Variants in DNER observed in about 807,000 individuals in gnomAD.
DNER encodes the protein delta/notch like EGF repeat containing.
A neutral mutation model predicts 78.2 loss-of-function variants in DNER; 33 were observed. The observed-to-expected ratio is 0.42, with a 90% CI of 0.32 to 0.56. The LOEUF (loss-of-function observed/expected upper bound fraction) is 0.56, where lower values mean the gene tolerates loss of function less well. Ranked by LOEUF, DNER falls within the 20% of genes least tolerant of loss-of-function variation. DNER has a pLI of 0.11. For missense variants in DNER, 918 were observed against 975.3 expected (o/e 0.94, Z 0.78); for synonymous variants, 417 against 384.8 (o/e 1.08, Z -0.98).
At chr2:229,686,679 A>G (rs944612253) in intron 1 of DNER, among the ~76,000 whole-genome samples, 2 of 152,300 alleles carry the variant, frequency 1.3e-5, no homozygotes, top group Non-Finnish European at 2.9e-5. Flanking sequence ...GCACTCACTC[A>G]GCTCACAAAC....
At chr2:229,384,283 C>G (rs1040093789) in intron 11 of DNER, among the ~76,000 whole-genome samples, 1 of 152,184 alleles carries the variant, frequency 6.6e-6, no homozygotes, top group Non-Finnish European at 1.5e-5. Flanking sequence ...AAATTTATAG[C>G]ACTAAATCCC....
rs79260825 is a variant in DNER at position 229,377,765 on chromosome 2, C to A, written c.1855+10500G>T. On this transcript the variant is annotated intron_variant, in intron 11 of 12. Transcript: ENST00000341772. ...GCGTTAACAGATAAAATTAATTCTA[C>A]CTCATCCCCAAATATTGTAATATTT... Among the ~76,000 whole-genome samples the A allele has an allele frequency of 3.1e-3, 478 of 152,270 alleles. 23 individuals carry two copies. The East Asian group carries it at 0.085, about 27-fold the overall frequency.
At chr2:229,409,874 A>G (rs184766901) in intron 9 of DNER, among the ~76,000 whole-genome samples, 52 of 152,282 alleles carry the variant, frequency 3.4e-4, no homozygotes, top group Admixed American at 2.5e-3. Context: ...TATATAAAAT[A>G]TATTTGTCAT....
rs1419833434 is a variant in DNER, at chr2:229,407,229, T to G, written c.1723+3A>C. 6.2e-7 allele frequency: 1 copy of G among 1,604,294 alleles called. No homozygotes were observed. Among genetic ancestry groups the G allele is most frequent in the South Asian group, 1.1e-5 (1 of 90,698 alleles). On this transcript the variant is annotated splice_donor_region_variant and intron_variant, in intron 10 of 12. Transcript: ENST00000341772. ...TGAAAACTCAGTCCCTGGAATCACT[T>G]GCCTGTAAACCCGGGTGCACAGATG...
rs544072423 is a variant in DNER, at chr2:229,502,934, G to T, written c.1147+9849C>A. Among the ~76,000 whole-genome samples, 8 of 152,330 alleles carry T rather than the reference G, an allele frequency of 5.3e-5. No homozygotes were observed. The East Asian group carries it at 1.4e-3, about 26-fold the overall frequency. ...CCTCTGGCTGATCTTGGGGAGAGGGGATAGCGAGAATGCTGGTATGATTAA... is the reference window on the plus strand; with the variant it reads ...CCTCTGGCTGATCTTGGGGAGAGGGTATAGCGAGAATGCTGGTATGATTAA... On this transcript the variant is annotated intron_variant, in intron 6 of 12. Coordinates refer to ENST00000341772, the MANE Select transcript of DNER (RefSeq NM_139072.4).
intron 7 of DNER, among the ~76,000 whole-genome samples, chr2:229,475,615 T>A (rs1167771498): frequency 6.6e-6 from 1 of 152,202 alleles, no homozygotes; most frequent in Non-Finnish European, 1.5e-5. Context: ...ATACGTAAAG[T>A]GCTCAGCAAA....
chr2:229,699,658 G>A (rs374833462), intron 1 of DNER, among the ~76,000 whole-genome samples: 9 of 152,198 alleles, frequency 5.9e-5, no homozygotes, highest in East Asian at 5.8e-4. Flanking sequence ...GAGTCACCAC[G>A]TCCAGCTTTA....
intron 7 of DNER, among the ~76,000 whole-genome samples, chr2:229,466,929 T>C (rs566040713): frequency 6.6e-6 from 1 of 152,260 alleles, no homozygotes; most frequent in African/African-American, 2.4e-5. Context: ...TCTCCTGGGG[T>C]TGGAATTCGA....
chr2:229,665,333 G>GT (rs1699070753), intron 1 of DNER, among the ~76,000 whole-genome samples: 1 of 152,174 alleles, frequency 6.6e-6, no homozygotes, highest in Non-Finnish European at 1.5e-5. Context: ...GCCAGTGTTT[G>GT]TTCCAAGGGT....
At chr2:229,540,342 C>T (rs115103648) in intron 5 of DNER, among the ~76,000 whole-genome samples, 2,504 of 152,168 alleles carry the variant, frequency 0.016, 70 homozygotes, top group African/African-American at 0.057. Context: ...GGGCTGGGGT[C>T]AGACACTGAA....
At chr2:229,602,875 T>C (rs1697857222) in intron 1 of DNER, among the ~76,000 whole-genome samples, 1 of 152,114 alleles carries the variant, frequency 6.6e-6, no homozygotes, top group Non-Finnish European at 1.5e-5. Flanking sequence ...ACAACAGAAA[T>C]CACAACATTT....
intron 8 of DNER, among the ~76,000 whole-genome samples, chr2:229,426,950 T>C (rs186552338): frequency 2.0e-5 from 3 of 152,322 alleles, no homozygotes; most frequent in Admixed American, 6.5e-5. Flanking sequence ...TGGCAGACAA[T>C]AGCTGCTGAT....
intron 11 of DNER, among the ~76,000 whole-genome samples, chr2:229,376,048 C>T (rs1203980602): frequency 1.3e-5 from 2 of 152,224 alleles, no homozygotes; most frequent in South Asian, 2.1e-4. Context: ...AGGTGACTTG[C>T]TTCCCCTTCG....
At chr2:229,376,209 G>T (rs935700620) in intron 11 of DNER, among the ~76,000 whole-genome samples, 1 of 152,142 alleles carries the variant, frequency 6.6e-6, no homozygotes, top group Non-Finnish European at 1.5e-5. Flanking sequence ...ACGAAGCGAT[G>T]GTATTAAGAG....
chr2:229,397,419 C>CA (rs1274527925), intron 10 of DNER, among the ~76,000 whole-genome samples: 3 of 123,434 alleles, frequency 2.4e-5, no homozygotes, highest in Non-Finnish European at 5.0e-5. Context: ...CCTAACAAGA[C>CA]AAAAAATTAT....
chr2:229,578,661 G>A (rs1697343607), intron 4 of DNER, among the ~76,000 whole-genome samples: 1 of 152,036 alleles, frequency 6.6e-6, no homozygotes, highest in African/African-American at 2.4e-5. Context: ...CCCCAGTGGT[G>A]CCCCCTGCCT....
chr2:229,494,780 C>T (rs1262070060), intron 6 of DNER, among the ~76,000 whole-genome samples: 1 of 152,206 alleles, frequency 6.6e-6, no homozygotes, highest in Non-Finnish European at 1.5e-5. Flanking sequence ...CCTTGAAGAA[C>T]AGCTCATATT....
At chr2:229,421,374 T>C (rs752941999) in intron 8 of DNER, among the ~76,000 whole-genome samples, 1 of 151,968 alleles carries the variant, frequency 6.6e-6, no homozygotes, top group Non-Finnish European at 1.5e-5. Context: ...TGGTAAATAA[T>C]ACTGTAATGT....
At chr2:229,527,596 C>G (rs1696232134) in intron 5 of DNER, among the ~76,000 whole-genome samples, 1 of 152,166 alleles carries the variant, frequency 6.6e-6, no homozygotes, top group Non-Finnish European at 1.5e-5. Flanking sequence ...GAGAAACCAC[C>G]CTAGATAGCT....
Sources: allele counts gnomAD v4.1 joint callset (sites outside exome capture counted in the v4.1 genomes callset), GRCh38; gene constraint gnomAD v4.1.1; transcripts MANE v1.5; gene names NCBI Gene and HGNC (gene_info 2026-07-23, HGNC 2026-07-21).